Variants in ADGRL2 observed in about 807,000 individuals in gnomAD.
ADGRL2 encodes the protein calcium-independent alpha-latrotoxin receptor 2.
A neutral mutation model predicts 157.4 loss-of-function variants in ADGRL2; 44 were observed. The ratio of observed to expected loss-of-function variants is 0.28; its 90% CI spans 0.22 to 0.36. The LOEUF is 0.36. Among genes scored for constraint, ADGRL2 ranks in the 10% least tolerant of loss-of-function variants. The pLI is 1.00. For missense variants in ADGRL2, 1,510 were observed against 1,768.9 expected, an observed-to-expected ratio of 0.85 and a Z score of 2.63; for synonymous variants, 585 against 624.7, an observed-to-expected ratio of 0.94 and a Z score of 0.95.
intron 19 of ADGRL2, 74 bp from the exon 20 acceptor site, chr1:81,984,509 A>G (rs1662581911): frequency 2.9e-6 from 4 of 1,367,162 alleles, no homozygotes. Context: ...GGTTGTCTTC[A>G]CTGTTCATTT....
At chr1:81,403,424 C>G (rs901909244) in intron 1 of ADGRL2, among the ~76,000 whole-genome samples, 7 of 152,050 alleles carry the variant, frequency 4.6e-5, no homozygotes, top group African/African-American at 1.7e-4. Flanking sequence ...ACCACCCACT[C>G]CCAGCTAAGT....
chr1:81,504,381 G>T (rs2078923158), intron 2 of ADGRL2, among the ~76,000 whole-genome samples: 1 of 152,084 alleles, frequency 6.6e-6, no homozygotes. Context: ...ATCCCCACAC[G>T]TGCCGATGTC....
chr1:81,415,854 T>TTA (rs1272922218), intron 1 of ADGRL2, among the ~76,000 whole-genome samples: 2 of 151,868 alleles, frequency 1.3e-5, no homozygotes, highest in Non-Finnish European at 2.9e-5. Flanking sequence ...TTTTTTTTTT[T>TTA]TTTTGAGACG....
At chr1:81,426,012 A>T (rs1011792002) in intron 1 of ADGRL2, among the ~76,000 whole-genome samples, 1 of 152,100 alleles carries the variant, frequency 6.6e-6, no homozygotes, top group Non-Finnish European at 1.5e-5. Context: ...GACTACAGGC[A>T]TGCACCACCA....
At chr1:81,424,505 A>T (rs1570930310) in intron 1 of ADGRL2, among the ~76,000 whole-genome samples, 1 of 152,246 alleles carries the variant, frequency 6.6e-6, no homozygotes, top group African/African-American at 2.4e-5. Context: ...TTGCGTGAAT[A>T]CTTAAGAGCA....
rs762479828 is a variant in ADGRL2 at position 81,991,038 on chromosome 1, A to G, written c.4303A>G (p.Ile1435Val). The change falls in exon 24 of 24, where the codon ATC (isoleucine) becomes GTC (valine). Residue 1435 changes from isoleucine to valine, a missense_variant. Ile to Val is a conservative substitution (Grantham distance 29). Around this residue, in one of 4 missense-constraint regions of ADGRL2, gnomAD observed 327 missense variants for 310.1 expected, o/e 1.05. Transcript: ENST00000686636. ...CCATCAGCTTCAGATGTGCTACCAG[A>G]TCAGCAGGGGCAATAGTGATGGTTA... is the stretch of plus-strand genomic sequence containing the variant. ...AGHQLQMCYQISRGNSDGYII... is the reference protein window; with the variant it reads ...AGHQLQMCYQVSRGNSDGYII... The G allele has an allele frequency of 1.4e-5, 22 of 1,613,892 alleles. No homozygotes were observed. Among genetic ancestry groups the G allele is most frequent in the Non-Finnish European group, 1.7e-5 (20 of 1,180,002 alleles).
intron 2 of ADGRL2, among the ~76,000 whole-genome samples, chr1:81,841,338 C>T (rs1311112923): frequency 6.6e-6 from 1 of 151,982 alleles, no homozygotes; most frequent in Non-Finnish European, 1.5e-5. Flanking sequence ...CTTTTAAGTT[C>T]CCTAAGTACA....
intron 1 of ADGRL2, among the ~76,000 whole-genome samples, chr1:81,397,401 A>G (rs1316839727): frequency 7.6e-6 from 1 of 131,450 alleles, no homozygotes; most frequent in Admixed American, 9.2e-5. Flanking sequence ...GCTCACTGCA[A>G]CTCCGCCTCC....
At chr1:81,875,300 T>C (rs2093809339) in intron 2 of ADGRL2, among the ~76,000 whole-genome samples, 1 of 152,140 alleles carries the variant, frequency 6.6e-6, no homozygotes, top group South Asian at 2.1e-4. Flanking sequence ...TCTTCTAGTG[T>C]TGGATTGAAA....
intron 1 of ADGRL2, among the ~76,000 whole-genome samples, chr1:81,412,803 A>G (rs1428394669): frequency 6.6e-6 from 1 of 152,240 alleles, no homozygotes; most frequent in East Asian, 1.9e-4. Context: ...TGACATACAC[A>G]TAGGAAACAT....
At chr1:81,454,954 G>A (rs1169146476) in intron 2 of ADGRL2, among the ~76,000 whole-genome samples, 3 of 152,222 alleles carry the variant, frequency 2.0e-5, no homozygotes, top group Admixed American at 6.5e-5. Flanking sequence ...ATGACAAAAC[G>A]ACAAATTCAA....
chr1:81,399,894 C>T (rs901453365), intron 1 of ADGRL2, among the ~76,000 whole-genome samples: 1 of 152,100 alleles, frequency 6.6e-6, no homozygotes, highest in Admixed American at 6.5e-5. Flanking sequence ...GATGTCTGTG[C>T]ATCTGGTGGA....
At chr1:81,779,237 A>G (rs2086716823) in intron 2 of ADGRL2, among the ~76,000 whole-genome samples, 1 of 152,166 alleles carries the variant, frequency 6.6e-6, no homozygotes, top group African/African-American at 2.4e-5. Context: ...AATAATGGCA[A>G]TCAGTGATGG....
chr1:81,501,253 C>T (rs981756067), intron 2 of ADGRL2, among the ~76,000 whole-genome samples: 4 of 152,202 alleles, frequency 2.6e-5, no homozygotes, highest in Non-Finnish European at 5.9e-5. Flanking sequence ...GCATTTTAGC[C>T]TTCAAACTAT....
At chr1:81,682,044 A>T (rs1356312397) in intron 3 of ADGRL2, among the ~76,000 whole-genome samples, 1 of 151,908 alleles carries the variant, frequency 6.6e-6, no homozygotes, top group African/African-American at 2.4e-5. Context: ...AACCTTCCAG[A>T]TTTTGGTTTG....
chr1:81,587,194 A>G (rs1311336401), intron 3 of ADGRL2, among the ~76,000 whole-genome samples: 1 of 152,106 alleles, frequency 6.6e-6, no homozygotes, highest in Non-Finnish European at 1.5e-5. Context: ...AAATCACATG[A>G]TTCTTAGAAC....
At chr1:81,588,118 G>T (rs960091346) in intron 3 of ADGRL2, among the ~76,000 whole-genome samples, 1 of 152,068 alleles carries the variant, frequency 6.6e-6, no homozygotes, top group South Asian at 2.1e-4. Flanking sequence ...AGCTAAGAAG[G>T]ATGAAAACTG....
chr1:81,848,823 G>A (rs571977062), intron 2 of ADGRL2, among the ~76,000 whole-genome samples: 18 of 151,960 alleles, frequency 1.2e-4, no homozygotes, highest in South Asian at 2.1e-4. Context: ...TCAGAACACC[G>A]AAAACCTGTA....
intron 2 of ADGRL2, among the ~76,000 whole-genome samples, chr1:81,455,390 T>TA (rs1203451644): frequency 6.6e-6 from 1 of 152,206 alleles, no homozygotes; most frequent in Non-Finnish European, 1.5e-5. Context: ...ACCTCCAACA[T>TA]TGTGCTGTGT....
Sources: gnomAD v4.1 joint callset for allele counts (sites outside exome capture counted in the v4.1 genomes callset) on GRCh38, gnomAD v4.1.1 for gene constraint, gnomAD v4.1.1 regional missense constraint, MANE v1.5 for transcripts, NCBI Gene and HGNC (gene_info 2026-07-23, HGNC 2026-07-21) for gene names.